LINGO2: variants seen among roughly 807,000 people sequenced by gnomAD.
LINGO2 encodes the protein leucine-rich repeat and immunoglobulin-like domain-containing nogo receptor-interacting protein 2.
LINGO2 carries 14 observed loss-of-function variants against 30.6 expected under a neutral mutation model. The ratio of observed to expected loss-of-function variants is 0.46; its 90% CI spans 0.30 to 0.72. The LOEUF (loss-of-function observed/expected upper bound fraction) is 0.72, where lower values mean the gene tolerates loss of function less well. Ranked by LOEUF, LINGO2 falls within the 30% of genes least tolerant of loss-of-function variation. The pLI, the probability that LINGO2 is intolerant of heterozygous loss-of-function variation, is 0.07. For missense variants in LINGO2, 729 were observed against 751.7 expected, an observed-to-expected ratio of 0.97 and a Z score of 0.35; for synonymous variants, 317 against 288.5, an observed-to-expected ratio of 1.10 and a Z score of -1.00.
the LINGO2 span, among the ~76,000 whole-genome samples, chr9:28,849,732 C>G: frequency 1.3e-5 from 2 of 152,100 alleles, no homozygotes; most frequent in African/African-American, 4.8e-5. Flanking sequence ...CTCTAACCAT[C>G]TCTTCCTTTA....
At chr9:28,219,973 TG>T (rs1380454802) in intron 4 of LINGO2, among the ~76,000 whole-genome samples, 1 of 152,164 alleles carries the variant, frequency 6.6e-6, no homozygotes, top group Non-Finnish European at 1.5e-5. Flanking sequence ...CTGGATGACA[TG>T]AACTAGGATG....
the LINGO2 span, among the ~76,000 whole-genome samples, chr9:29,011,646 C>T: frequency 6.6e-6 from 1 of 152,136 alleles, no homozygotes. Flanking sequence ...AATAGGTGGC[C>T]ATGACCCCTT....
At chr9:29,019,024 C>T in the LINGO2 span, among the ~76,000 whole-genome samples, 3 of 152,172 alleles carry the variant, frequency 2.0e-5, no homozygotes, top group East Asian at 5.8e-4. Flanking sequence ...GACCTATAAA[C>T]GTAACCTGAG....
chr9:28,220,826 G>GCAAGCAAAACAAC (rs1280662084), intron 4 of LINGO2, among the ~76,000 whole-genome samples: 2 of 151,916 alleles, frequency 1.3e-5, no homozygotes, highest in African/African-American at 4.8e-5. Context: ...TGCAAAACAA[G>GCAAGCAAAACAAC]CAAGCAAAAC....
intron 4 of LINGO2, among the ~76,000 whole-genome samples, chr9:28,089,635 T>G (rs984379854): frequency 7.2e-5 from 11 of 152,018 alleles, no homozygotes; most frequent in Admixed American, 5.9e-4. Flanking sequence ...ATTGACAACC[T>G]AACATCACAA....
At chr9:28,028,401 G>A (rs1823490098) in intron 4 of LINGO2, among the ~76,000 whole-genome samples, 1 of 152,108 alleles carries the variant, frequency 6.6e-6, no homozygotes, top group Non-Finnish European at 1.5e-5. Context: ...GAGCTGGTAG[G>A]ATATTACGGA....
chr9:28,508,676 T>C (rs1262610725), intron 1 of LINGO2, among the ~76,000 whole-genome samples: 2 of 152,134 alleles, frequency 1.3e-5, no homozygotes, highest in Admixed American at 6.6e-5. Context: ...AGAAGGTTGG[T>C]TATTTAATTC....
intron 4 of LINGO2, among the ~76,000 whole-genome samples, chr9:28,142,535 A>G (rs1203008446): frequency 2.0e-5 from 3 of 152,160 alleles, no homozygotes; most frequent in Non-Finnish European, 2.9e-5. Context: ...AATGGTAGAT[A>G]ATTGTTTTCA....
At chr9:28,942,814 A>C in the LINGO2 span, among the ~76,000 whole-genome samples, 1 of 152,162 alleles carries the variant, frequency 6.6e-6, no homozygotes, top group African/African-American at 2.4e-5. Flanking sequence ...GCTACTTGCT[A>C]TCTCCCTCTC....
the LINGO2 span, among the ~76,000 whole-genome samples, chr9:28,882,612 A>C: frequency 1.3e-5 from 2 of 152,188 alleles, no homozygotes; most frequent in Non-Finnish European, 2.9e-5. Context: ...TGCTCCTCTA[A>C]GATAAGGGCT....
At chr9:28,894,314 T>C in the LINGO2 span, among the ~76,000 whole-genome samples, 1 of 152,114 alleles carries the variant, frequency 6.6e-6, no homozygotes, top group Non-Finnish European at 1.5e-5. Flanking sequence ...TGATTTTAGG[T>C]GCTATTTATA....
At chr9:29,122,992 G>A in the LINGO2 span, among the ~76,000 whole-genome samples, 11 of 152,178 alleles carry the variant, frequency 7.2e-5, no homozygotes, top group East Asian at 1.9e-3. Context: ...AGTTCTGGGG[G>A]TAGGTCCTGA....
intron 1 of LINGO2, among the ~76,000 whole-genome samples, chr9:28,656,152 G>C (rs1828327992): frequency 6.6e-6 from 1 of 151,816 alleles, no homozygotes; most frequent in Non-Finnish European, 1.5e-5. Flanking sequence ...TAAGATATTA[G>C]ATAAAATACT....
chr9:28,187,551 C>G (rs1283379748), intron 4 of LINGO2, among the ~76,000 whole-genome samples: 1 of 150,700 alleles, frequency 6.6e-6, no homozygotes, highest in East Asian at 1.9e-4. Context: ...GGCTTCACTA[C>G]TGGATGGATA....
At chr9:28,990,747 G>C in the LINGO2 span, among the ~76,000 whole-genome samples, 1 of 93,304 alleles carries the variant, frequency 1.1e-5, no homozygotes, top group Non-Finnish European at 2.7e-5. Flanking sequence ...AGGCTAACAG[G>C]GTCTGGAGTG....
chr9:28,286,564 G>C (rs1200583783), intron 4 of LINGO2, among the ~76,000 whole-genome samples: 1 of 152,098 alleles, frequency 6.6e-6, no homozygotes, highest in East Asian at 1.9e-4. Context: ...CAATCTAAAT[G>C]TCCATCAATG....
At chr9:28,775,272 A>T in the LINGO2 span, among the ~76,000 whole-genome samples, 1 of 152,174 alleles carries the variant, frequency 6.6e-6, no homozygotes, top group Non-Finnish European at 1.5e-5. Context: ...TACATTACAC[A>T]GTTGTACCAC....
At chr9:29,073,870 A>G in the LINGO2 span, among the ~76,000 whole-genome samples, 3 of 152,198 alleles carry the variant, frequency 2.0e-5, no homozygotes, top group East Asian at 5.8e-4. Flanking sequence ...GCAGTGCCTC[A>G]ATCATTGTGA....
chr9:28,060,470 T>A (rs1028752454), intron 4 of LINGO2, among the ~76,000 whole-genome samples: 1 of 152,208 alleles, frequency 6.6e-6, no homozygotes, highest in African/African-American at 2.4e-5. Flanking sequence ...TAAGATTTTT[T>A]ATTTACATTT....
Sources: gnomAD v4.1 joint callset for allele counts (sites outside exome capture counted in the v4.1 genomes callset) on GRCh38, gnomAD v4.1.1 for gene constraint, MANE v1.5 for transcripts, NCBI Gene and HGNC (gene_info 2026-07-23, HGNC 2026-07-21) for gene names.